Variants in PCSK2 observed in about 807,000 individuals in gnomAD.
PCSK2 encodes the protein neuroendocrine convertase 2.
In PCSK2, 14 loss-of-function variants were observed where a neutral mutation model predicts 69.7. The observed-to-expected ratio is 0.20, with a 90% CI of 0.13 to 0.31. The LOEUF (loss-of-function observed/expected upper bound fraction) is 0.31, where lower values mean the gene tolerates loss of function less well. PCSK2 is among the 10% of genes least tolerant of loss of function. The pLI, the probability that PCSK2 is intolerant of heterozygous loss-of-function variation, is 1.00. For synonymous variants in PCSK2, 307 were observed against 320.7 expected, an observed-to-expected ratio of 0.96 and a Z score of 0.46; for missense variants, 544 against 842.5, an observed-to-expected ratio of 0.65 and a Z score of 4.39.
intron 6 of PCSK2, among the ~76,000 whole-genome samples, chr20:17,413,098 C>T (rs1470235641): frequency 6.6e-6 from 1 of 152,204 alleles, no homozygotes; most frequent in Non-Finnish European, 1.5e-5. Flanking sequence ...CAAAGACCAT[C>T]AATGCTAGGA....
intron 2 of PCSK2, among the ~76,000 whole-genome samples, chr20:17,284,101 G>A (rs1285793029): frequency 6.6e-6 from 1 of 152,186 alleles, no homozygotes; most frequent in Non-Finnish European, 1.5e-5. Flanking sequence ...CATCTCATCT[G>A]GTTTGGGAGT....
In PCSK2 at chr20:17,263,122, C is replaced by T. The variant is rs1052288439; in HGVS notation, c.282+2778C>T. The T allele has an allele frequency of 2.9e-5, 29 of 984,680 alleles. No homozygotes were observed. In the African/African-American group the frequency reaches 5.1e-4, roughly 17 times the overall value. 61.0% of individuals were successfully genotyped at this position (984,680 alleles called of 1,614,324 possible). ...GAAACCTCCAAGCTCTGCTAGCAACCCAAGAAATAAAAAAGAAAAAGGTAG... is the reference window on the plus strand; with the variant it reads ...GAAACCTCCAAGCTCTGCTAGCAACTCAAGAAATAAAAAAGAAAAAGGTAG... On this transcript the variant is annotated intron_variant, in intron 2 of 11. Transcript: ENST00000262545.
At chr20:17,373,447 G>A (rs921754439) in intron 5 of PCSK2, among the ~76,000 whole-genome samples, 1 of 152,214 alleles carries the variant, frequency 6.6e-6, no homozygotes, top group Non-Finnish European at 1.5e-5. Flanking sequence ...AAAGCCCTGG[G>A]CAGAGGTGTG....
intron 11 of PCSK2, among the ~76,000 whole-genome samples, chr20:17,469,280 G>A (rs2033161043): frequency 6.6e-6 from 1 of 152,182 alleles, no homozygotes; most frequent in Non-Finnish European, 1.5e-5. Context: ...CCAACTGCAT[G>A]CTATGTGCTT....
At position 17,227,154 on chromosome 20, in the gene PCSK2, G is replaced by T; in HGVS notation, c.-152G>T. 8.4e-6 allele frequency: 5 copies of T among 597,480 alleles called. No individual in the cohort carries two copies. In the South Asian group the frequency reaches 8.8e-5, roughly 10 times the overall value. 37.0% of individuals were successfully genotyped at this position (597,480 alleles called of 1,614,324 possible). ...GATGCTGGAGAACACACACTGATTC[G>T]CTGCTTTCCAAGACCCTGTTCAGTC... is the stretch of plus-strand genomic sequence containing the variant. On this transcript the variant is annotated 5_prime_UTR_variant, in exon 1 of 12. Transcript: ENST00000262545.
chr20:17,387,242 C>T (rs2123264170), intron 5 of PCSK2, among the ~76,000 whole-genome samples: 1 of 152,332 alleles, frequency 6.6e-6, no homozygotes, highest in South Asian at 2.1e-4. Context: ...AGCTATGCTA[C>T]ACCAGAAACT....
At chr20:17,431,335 C>G (rs191070246) in intron 7 of PCSK2, among the ~76,000 whole-genome samples, 1 of 152,314 alleles carries the variant, frequency 6.6e-6, no homozygotes, top group Admixed American at 6.5e-5. Flanking sequence ...GCCTGTCCAG[C>G]CTGCCCAGCT....
At chr20:17,394,951 G>C (rs1415580504) in intron 5 of PCSK2, among the ~76,000 whole-genome samples, 2 of 152,168 alleles carry the variant, frequency 1.3e-5, no homozygotes, top group Non-Finnish European at 2.9e-5. Flanking sequence ...AGAACAGTTG[G>C]GGATCAGTTC....
chr20:17,428,310 G>A (rs2032289276), intron 6 of PCSK2, among the ~76,000 whole-genome samples: 1 of 152,208 alleles, frequency 6.6e-6, no homozygotes, highest in Non-Finnish European at 1.5e-5. Context: ...GTACATGATA[G>A]GCGGGTTTCA....
intron 4 of PCSK2, among the ~76,000 whole-genome samples, chr20:17,362,896 G>A (rs1313978862): frequency 1.3e-5 from 2 of 152,184 alleles, no homozygotes; most frequent in Non-Finnish European, 2.9e-5. Flanking sequence ...TCCCCACATG[G>A]TGAGGACAAG....
rs2032855313 is a variant in PCSK2 at position 17,453,033 on chromosome 20, T to G, written c.886-709T>G. ...TTTACTTGATCATATTAGACTTTCC[T>G]CCTACATTTGGAGTTCCCTTGCTCA... On this transcript the variant is annotated intron_variant, in intron 8 of 11. Transcript: ENST00000262545. The surrounding 1 kb of genome is among the most constrained non-coding windows in gnomAD (Gnocchi z 4.0). Among the ~76,000 whole-genome samples the G allele has an allele frequency of 6.6e-6, 1 of 152,208 alleles. No homozygotes were observed. The highest frequency in any genetic ancestry group is 1.9e-4 in the East Asian group (1 of 5,198).
chr20:17,277,466 G>A (rs1988127758), intron 2 of PCSK2, among the ~76,000 whole-genome samples: 1 of 152,186 alleles, frequency 6.6e-6, no homozygotes, highest in Non-Finnish European at 1.5e-5. Context: ...CAAGCAATGG[G>A]GAAAGGATTC....
At chr20:17,388,516 C>A (rs1459456141) in intron 5 of PCSK2, among the ~76,000 whole-genome samples, 3 of 152,116 alleles carry the variant, frequency 2.0e-5, no homozygotes, top group Admixed American at 6.5e-5. Context: ...AAAACAGAAA[C>A]CTTCAGGGAC....
At chr20:17,305,294 A>G (rs1238081388) in intron 2 of PCSK2, among the ~76,000 whole-genome samples, 1 of 152,214 alleles carries the variant, frequency 6.6e-6, no homozygotes, top group Non-Finnish European at 1.5e-5. Flanking sequence ...TTTCTGAAAA[A>G]GGGGACAGGA....
At chr20:17,416,941 A>G (rs936768719) in intron 6 of PCSK2, among the ~76,000 whole-genome samples, 5 of 152,188 alleles carry the variant, frequency 3.3e-5, no homozygotes, top group African/African-American at 9.7e-5. Flanking sequence ...CAAACACTGC[A>G]TGTTCTCACT....
chr20:17,257,544 T>C (rs1987224864), intron 1 of PCSK2, among the ~76,000 whole-genome samples: 1 of 152,248 alleles, frequency 6.6e-6, no homozygotes. Context: ...ATTTCTATAA[T>C]GTGCCATTGA....
intron 2 of PCSK2, among the ~76,000 whole-genome samples, chr20:17,333,418 T>C (rs1241777761): frequency 1.3e-5 from 2 of 152,190 alleles, no homozygotes; most frequent in Non-Finnish European, 2.9e-5. Context: ...TGCTTCATGC[T>C]CTATCCTGTT....
intron 11 of PCSK2, among the ~76,000 whole-genome samples, chr20:17,469,548 A>T (rs955775489): frequency 7.2e-6 from 1 of 138,780 alleles, no homozygotes; most frequent in Admixed American, 7.1e-5. Flanking sequence ...CAGAAAGGAT[A>T]AAAAAAAAAA....
chr20:17,461,735 T>C (rs1040683849), intron 10 of PCSK2, among the ~76,000 whole-genome samples: 1 of 152,212 alleles, frequency 6.6e-6, no homozygotes, highest in African/African-American at 2.4e-5. Context: ...AGAAGTACTA[T>C]GCTCTGAAAG....
Sources: gnomAD v4.1 joint callset for allele counts (sites outside exome capture counted in the v4.1 genomes callset) on GRCh38, gnomAD v4.1.1 for gene constraint, Gnocchi (gnomAD v3.1) non-coding constraint, MANE v1.5 for transcripts, NCBI Gene and HGNC (gene_info 2026-07-23, HGNC 2026-07-21) for gene names.